The following PLN variants were observed in gnomAD, a reference collection of about 807,000 sequenced individuals.
PLN encodes the protein cardiac phospholamban.
A neutral mutation model predicts 3.9 loss-of-function variants in PLN; 1 was observed. The observed-to-expected ratio is 0.26, with a 90% confidence interval of 0.09 to 1.23. The LOEUF is 1.23. Ranked by LOEUF, PLN falls within the 50% of genes most tolerant of loss-of-function variation. PLN has a pLI of 0.48. For synonymous variants in PLN, 21 were observed against 20.5 expected (o/e 1.02, Z -0.07); for missense variants, 59 against 62.7 (o/e 0.94, Z 0.20).
intron 1 of PLN, among the ~76,000 whole-genome samples, chr6:118,556,510 C>T (rs2114956325): frequency 6.6e-6 from 1 of 152,238 alleles, no homozygotes; most frequent in Non-Finnish European, 1.5e-5. Flanking sequence ...AAAGTAAATG[C>T]CGGGTTCTAA....
At chr6:118,558,140 A>G (rs140199745) in intron 1 of PLN, among the ~76,000 whole-genome samples, 168 of 152,114 alleles carry the variant, frequency 1.1e-3, no homozygotes, top group African/African-American at 3.9e-3. Flanking sequence ...TAGTAGAGAC[A>G]GGGTTTCACC....
At chr6:118,553,465 C>A (rs186409692) in intron 1 of PLN, among the ~76,000 whole-genome samples, 55 of 152,140 alleles carry the variant, frequency 3.6e-4, no homozygotes, top group Non-Finnish European at 7.1e-4. Flanking sequence ...ACTAGGATTC[C>A]ACACATTTCA....
chr6:118,551,614 C>A (rs1373608169), intron 1 of PLN, among the ~76,000 whole-genome samples: 1 of 152,004 alleles, frequency 6.6e-6, no homozygotes, highest in Non-Finnish European at 1.5e-5. Context: ...AGAAAAATAT[C>A]TCTGTGCTGT....
At chr6:118,558,703 G>A in intron 1 of PLN, 122 bp from the exon 2 acceptor site, 3 of 529,190 alleles carry the variant, frequency 5.7e-6, no homozygotes, top group Non-Finnish European at 1.0e-5. Flanking sequence ...AGAGACTATA[G>A]AAACATGATG....
intron 1 of PLN, among the ~76,000 whole-genome samples, chr6:118,557,788 G>C (rs1213299819): frequency 6.6e-6 from 1 of 152,116 alleles, no homozygotes; most frequent in African/African-American, 2.4e-5. Context: ...GACAATAAAC[G>C]CTATGGCACA....
chr6:118,548,408 C>T lies in PLN; in HGVS notation c.-98+16C>T, dbSNP rs138655402. 5.3e-5 allele frequency: 8 copies of T among 152,188 alleles called. No individual in the cohort carries two copies. Among genetic ancestry groups the T allele is most frequent in the Admixed American group, 2.6e-4 (4 of 15,280 alleles). 9.4% of individuals were successfully genotyped at this position (152,188 alleles called of 1,614,324 possible). A position where few individuals can be genotyped will look rare whatever the true frequency, so the allele number is the denominator to read the frequency against. On this transcript the variant is annotated intron_variant, in intron 1 of 1. Transcript: ENST00000357525. ...AGCTGCCAAGGTAAGAAACAGATTT[C>T]GCTGACTTTGGTAATTCTTACTTTC...
intron 1 of PLN, among the ~76,000 whole-genome samples, chr6:118,556,178 G>A (rs1014942712): frequency 6.6e-6 from 1 of 152,192 alleles, no homozygotes; most frequent in African/African-American, 2.4e-5. Context: ...TAATGGGATT[G>A]TTGGGTCGAA....
chr6:118,552,777 A>C (rs1778626926), intron 1 of PLN, among the ~76,000 whole-genome samples: 1 of 152,024 alleles, frequency 6.6e-6, no homozygotes, highest in Non-Finnish European at 1.5e-5. Context: ...CATTCCCCTA[A>C]AAAGTAGAGT....
chr6:118,558,696 G>A (rs1400878257), intron 1 of PLN, 129 bp from the exon 2 acceptor site: 3 of 549,230 alleles, frequency 5.5e-6, no homozygotes, highest in Non-Finnish European at 6.5e-6. Context: ...GAGGGAGAGA[G>A]ACTATAGAAA....
intron 1 of PLN, among the ~76,000 whole-genome samples, chr6:118,557,576 G>C (rs1778951339): frequency 6.6e-6 from 1 of 152,144 alleles, no homozygotes. Flanking sequence ...CCTGGGTTGA[G>C]TGTGAGTGTG....
Position 118,558,943 on chromosome 6 carries a change from A to ACTCG in PLN, c.26_29dup (p.Ala11LeufsTer10), listed in dbSNP as rs1779066083. The stretch of plus-strand genomic sequence containing the variant: ...TATCATGGAGAAAGTCCAATACCTC[A>ACTCG]CTCGCTCAGCTATAAGAAGAGCCTC... On this transcript the variant is annotated frameshift_variant, in exon 2 of 2. Transcript: ENST00000357525. LOFTEE classifies it high-confidence loss of function. 4 of 1,613,794 alleles carry ACTCG rather than the reference A, an allele frequency of 2.5e-6. No individual in the cohort carries two copies. The highest frequency in any genetic ancestry group is 3.4e-6 in the Non-Finnish European group (4 of 1,179,734).
In PLN at chr6:118,559,065, C is replaced by T. The variant is rs141114252; in HGVS notation, c.144C>T (p.Ile48=). 7.4e-6 allele frequency: 12 copies of T among 1,610,948 alleles called. No homozygotes were observed. In the African/African-American group the frequency reaches 9.4e-5, roughly 13 times the overall value. Residue 48 remains isoleucine, a synonymous_variant, in exon 2 of 2, where the codon ATC becomes ATT. Coordinates refer to ENST00000357525, the MANE Select transcript of PLN (RefSeq NM_002667.5). The part of the protein sequence containing the change: ...ILICLLLICI[I]VMLL The stretch of plus-strand genomic sequence containing the variant: ...TATGTCTCTTGCTGATCTGTATCAT[C>T]GTGATGCTTCTCTGAAGTTCTGCTA...
Position 118,559,024 on chromosome 6 carries a change from TTC to T in PLN, c.105_106del (p.Phe35LeufsTer25), listed in dbSNP as rs747947483. On this transcript the variant is annotated frameshift_variant, in exon 2 of 2. Transcript: ENST00000357525. LOFTEE classifies it high-confidence loss of function. The part of the protein sequence containing the change: ...RQKLQNLFIN[F>X]CLILICLLLI... ...AAAGCTACAGAATCTATTTATCAAT[TTC>T]TGTCTCATCTTAATATGTCTCTTGC... is the stretch of plus-strand genomic sequence containing the variant. 1.9e-6 allele frequency: 3 copies of T among 1,610,516 alleles called. No individual in the cohort carries two copies. Among genetic ancestry groups the T allele is most frequent in the South Asian group, 1.1e-5 (1 of 91,010 alleles).
chr6:118,554,702 A>G (rs773395640), intron 1 of PLN, among the ~76,000 whole-genome samples: 4 of 152,216 alleles, frequency 2.6e-5, no homozygotes, highest in Non-Finnish European at 5.9e-5. Flanking sequence ...AGAGGTGACA[A>G]CCAATTCCAC....
rs1306098838 is a variant in PLN, at chr6:118,560,398, TA to T, written c.*1319del. On this transcript the variant is annotated 3_prime_UTR_variant, in exon 2 of 2. Transcript: ENST00000357525. ...CATAAGAAAGAGAAAATATATTTACTATTCATTAAATGGAAGTGGGTCAACA... is the reference window on the plus strand; with the variant it reads ...CATAAGAAAGAGAAAATATATTTACTTTCATTAAATGGAAGTGGGTCAACA... The T allele has an allele frequency of 6.0e-6, 1 of 166,986 alleles. No homozygotes were observed. Among genetic ancestry groups the T allele is most frequent in the Non-Finnish European group, 1.5e-5 (1 of 68,112 alleles). The allele number at this position is 166,986 out of a possible 1,614,324, so 10.3% of individuals were successfully genotyped here.
rs1021676948 is a variant in PLN at position 118,559,950 on chromosome 6, A to G, written c.*870A>G. The G allele has an allele frequency of 4.8e-5, 8 of 167,074 alleles. No homozygotes were observed. In the East Asian group the frequency reaches 1.3e-3, roughly 28 times the overall value. 10.3% of individuals were successfully genotyped at this position (167,074 alleles called of 1,614,324 possible). ...CTAGAGTTACCTAGCTTACCATACT[A>G]TATCTTTGGAATCATGAAACCTTAA... On this transcript the variant is annotated 3_prime_UTR_variant, in exon 2 of 2. Transcript: ENST00000357525.
At chr6:118,549,519 C>T (rs1007924690) in intron 1 of PLN, among the ~76,000 whole-genome samples, 3 of 151,520 alleles carry the variant, frequency 2.0e-5, no homozygotes, top group African/African-American at 7.3e-5. Context: ...TTCTCAATTC[C>T]TATGACAAAT....
rs1367889577 is a variant in PLN, at chr6:118,559,625, T to C, written c.*545T>C. 5.9e-6 allele frequency: 1 copy of C among 169,862 alleles called. No individual in the cohort carries two copies. Among genetic ancestry groups the C allele is most frequent in the Non-Finnish European group, 1.4e-5 (1 of 69,846 alleles). The allele number at this position is 169,862 out of a possible 1,614,324, so 10.5% of individuals were successfully genotyped here. A position where few individuals can be genotyped will look rare whatever the true frequency, so the allele number is the denominator to read the frequency against. On this transcript the variant is annotated 3_prime_UTR_variant, in exon 2 of 2. Coordinates refer to ENST00000357525, the MANE Select transcript of PLN (RefSeq NM_002667.5). ...GAACTATTTGTAGTAACTATCAGAA[T>C]CTACATTCTAAAACAGAAATTGTAT...
rs1039844128 is a variant in PLN at position 118,559,569 on chromosome 6, T to G, written c.*489T>G. ...AGTGTCATTATTCAAAATAGTCCAC[T>G]GACTCCTCACATCTGTTATCTTATT... On this transcript the variant is annotated 3_prime_UTR_variant, in exon 2 of 2. Coordinates refer to ENST00000357525, the MANE Select transcript of PLN (RefSeq NM_002667.5). 14 of 184,778 alleles carry G rather than the reference T, an allele frequency of 7.6e-5. No individual in the cohort carries two copies. The highest frequency in any genetic ancestry group is 3.4e-4 in the African/African-American group (14 of 41,568). 11.4% of individuals were successfully genotyped at this position (184,778 alleles called of 1,614,324 possible).
Sources: gnomAD v4.1 joint callset for allele counts (sites outside exome capture counted in the v4.1 genomes callset) on GRCh38, gnomAD v4.1.1 for gene constraint, MANE v1.5 for transcripts, NCBI Gene and HGNC (gene_info 2026-07-23, HGNC 2026-07-21) for gene names.